The following PGAP1 variants were observed in gnomAD, a reference collection of about 807,000 sequenced individuals.
PGAP1 encodes post-GPI attachment to proteins inositol deacylase 1.
Under a neutral mutation model 127.0 loss-of-function variants are expected in PGAP1, and 76 were observed. The observed-to-expected ratio is 0.60, with a 90% CI of 0.50 to 0.72. PGAP1 has a LOEUF of 0.72. Among genes scored for constraint, PGAP1 ranks in the 30% least tolerant of loss-of-function variants. The pLI is 0.00. For synonymous variants in PGAP1, 362 were observed against 366.5 expected, an observed-to-expected ratio of 0.99 and a Z score of 0.14; for missense variants, 982 against 1,071.3, an observed-to-expected ratio of 0.92 and a Z score of 1.16.
chr2:196,852,447 T>C (rs1700750272), intron 20 of PGAP1, among the ~76,000 whole-genome samples: 2 of 152,060 alleles, frequency 1.3e-5, no homozygotes, highest in South Asian at 4.2e-4. Context: ...CTTGTTAAAT[T>C]TAAGGTTACT....
intron 13 of PGAP1, among the ~76,000 whole-genome samples, chr2:196,876,260 A>G (rs900394673): frequency 6.6e-6 from 1 of 152,080 alleles, no homozygotes; most frequent in Non-Finnish European, 1.5e-5. Flanking sequence ...AAAATCCTGT[A>G]TTTATTAAAG....
At chr2:196,855,762 A>AT (rs1553597394) in intron 20 of PGAP1, among the ~76,000 whole-genome samples, 47 of 151,608 alleles carry the variant, frequency 3.1e-4, no homozygotes, top group East Asian at 2.9e-3. Flanking sequence ...TGGCCGTATG[A>AT]TTTTTTTTTA....
intron 13 of PGAP1, among the ~76,000 whole-genome samples, chr2:196,878,549 C>A (rs1022964476): frequency 4.6e-5 from 7 of 152,008 alleles, no homozygotes; most frequent in Non-Finnish European, 8.8e-5. Flanking sequence ...CTGTACAAAC[C>A]CCTTATGAGG....
At chr2:196,870,072 A>G (rs1701365640) in intron 19 of PGAP1, among the ~76,000 whole-genome samples, 1 of 152,218 alleles carries the variant, frequency 6.6e-6, no homozygotes. Context: ...GATGCTAAGT[A>G]ATAGCTATAG....
chr2:196,882,901 C>T (rs1450222045), intron 12 of PGAP1, among the ~76,000 whole-genome samples: 6 of 152,040 alleles, frequency 3.9e-5, no homozygotes, highest in African/African-American at 7.2e-5. Flanking sequence ...TGAATAGGAG[C>T]GGTGAGAGAG....
At chr2:196,901,296 T>C (rs1055722137) in intron 5 of PGAP1, among the ~76,000 whole-genome samples, 2 of 152,242 alleles carry the variant, frequency 1.3e-5, no homozygotes, top group African/African-American at 2.4e-5. Flanking sequence ...CCAATTCCTC[T>C]AGTTACATGA....
At chr2:196,916,780 G>A (rs1288357963) in intron 2 of PGAP1, among the ~76,000 whole-genome samples, 187 bp from the exon 3 acceptor site, 1 of 152,196 alleles carries the variant, frequency 6.6e-6, no homozygotes, top group African/African-American at 2.4e-5. Context: ...CTTGAATGCA[G>A]TAAGTGTGTC....
In PGAP1 at chr2:196,872,537, G is replaced by A. The variant is rs755670038; in HGVS notation, c.1632C>T (p.Ser544=). The change falls in exon 18 of 27, where the codon TCC becomes TCT. Residue 544 remains serine (S), a synonymous_variant. Coordinates refer to ENST00000354764, the MANE Select transcript of PGAP1 (RefSeq NM_024989.4). ...DSLTIAQAPS[S]TEISLKLHIA... The stretch of plus-strand genomic sequence containing the variant: ...TATGGAGTTTCAGAGAAATTTCTGT[G>A]GAAGATGGAGCCCTGAAGAGATAAC... The A allele has an allele frequency of 6.2e-7, 1 of 1,608,782 alleles. No homozygotes were observed. Among genetic ancestry groups the A allele is most frequent in the South Asian group, 1.1e-5 (1 of 90,946 alleles).
At chr2:196,860,997 C>A (rs1701046643) in intron 20 of PGAP1, among the ~76,000 whole-genome samples, 1 of 152,036 alleles carries the variant, frequency 6.6e-6, no homozygotes, top group African/African-American at 2.4e-5. Flanking sequence ...GATACATAAG[C>A]CAATAGAACA....
chr2:196,881,771 T>C (rs977165681), intron 12 of PGAP1, among the ~76,000 whole-genome samples: 17 of 152,262 alleles, frequency 1.1e-4, no homozygotes, highest in African/African-American at 3.6e-4. Flanking sequence ...ATTAGACCTT[T>C]GTCGGATGCA....
At chr2:196,855,311 C>G (rs1203771871) in intron 20 of PGAP1, among the ~76,000 whole-genome samples, 6 of 127,254 alleles carry the variant, frequency 4.7e-5, no homozygotes, top group Non-Finnish European at 7.8e-5. Context: ...GGCGACAGAG[C>G]GAGACTCTGT....
chr2:196,876,541 G>T (rs454739), intron 13 of PGAP1, among the ~76,000 whole-genome samples: 1,831 of 152,090 alleles, frequency 0.012, 37 homozygotes, highest in African/African-American at 0.042. Flanking sequence ...TCACTTATCT[G>T]CAAGAACTGT....
At chr2:196,861,925 C>T (rs769900583) in intron 20 of PGAP1, among the ~76,000 whole-genome samples, 13 of 150,068 alleles carry the variant, frequency 8.7e-5, no homozygotes, top group Non-Finnish European at 1.6e-4. Flanking sequence ...TCTCGTAAGC[C>T]GAGGAGGATG....
Position 196,846,026 on chromosome 2 carries a change from A to G in PGAP1, c.2151-9T>C. 1.3e-6 allele frequency: 2 copies of G among 1,531,564 alleles called. No individual in the cohort carries two copies. The highest frequency in any genetic ancestry group is 8.9e-7 in the Non-Finnish European group (1 of 1,125,220). The allele number at this position is 1,531,564 out of a possible 1,614,324, so 94.9% of individuals were successfully genotyped here. ...TAGGAAGTTCAGAGGGTCTGGAATT[A>G]TAAGAATAAAGTTTAAAATATATAT... On this transcript the variant is annotated splice_polypyrimidine_tract_variant and intron_variant, in intron 22 of 26. Transcript: ENST00000354764.
At chr2:196,913,648 A>G (rs928656904) in intron 3 of PGAP1, among the ~76,000 whole-genome samples, 4 of 152,200 alleles carry the variant, frequency 2.6e-5, no homozygotes, top group African/African-American at 9.7e-5. Flanking sequence ...CAGTCTCATT[A>G]CCAAACTTTT....
At chr2:196,852,880 C>A (rs1700765716) in intron 20 of PGAP1, among the ~76,000 whole-genome samples, 1 of 152,010 alleles carries the variant, frequency 6.6e-6, no homozygotes, top group South Asian at 2.1e-4. Flanking sequence ...TATCAAAGGT[C>A]TGAGTAAGTC....
chr2:196,905,292 T>C (rs1043166515), intron 4 of PGAP1, among the ~76,000 whole-genome samples: 1 of 152,226 alleles, frequency 6.6e-6, no homozygotes, highest in Non-Finnish European at 1.5e-5. Context: ...CTATGACTTT[T>C]AGCCTTTAAT....
chr2:196,848,143 AG>A (rs1180618504), intron 20 of PGAP1, 106 bp from the exon 21 acceptor site: 2 of 618,582 alleles, frequency 3.2e-6, no homozygotes, highest in African/African-American at 3.9e-5. Flanking sequence ...AGAGAAAGTA[AG>A]GGTCTTCATT....
intron 1 of PGAP1, among the ~76,000 whole-genome samples, chr2:196,924,906 T>C (rs1048683842): frequency 1.3e-5 from 2 of 152,208 alleles, no homozygotes; most frequent in South Asian, 2.1e-4. Flanking sequence ...TGGGAATTAG[T>C]ACTGTACTGT....
Sources: allele counts gnomAD v4.1 joint callset (sites outside exome capture counted in the v4.1 genomes callset), GRCh38; gene constraint gnomAD v4.1.1; transcripts MANE v1.5; gene names NCBI Gene and HGNC (gene_info 2026-07-23, HGNC 2026-07-21).